Variants in GALNT12 observed in about 807,000 individuals in gnomAD.
GALNT12 encodes UDP-GalNAc:polypeptide N-acetylgalactosaminyltransferase 12.
In GALNT12, 45 loss-of-function variants were observed where a neutral mutation model predicts 55.5. The ratio of observed to expected loss-of-function variants is 0.81; its 90% CI spans 0.64 to 1.04. The LOEUF is 1.04. Among genes scored for constraint, GALNT12 ranks in the 50% least tolerant of loss-of-function variants. The pLI is 0.00. For missense variants in GALNT12, 709 were observed against 754.8 expected (o/e 0.94, Z 0.71); for synonymous variants, 304 against 312.2 (o/e 0.97, Z 0.28).
intron 1 of GALNT12, among the ~76,000 whole-genome samples, chr9:98,815,718 T>C (rs1445261366): frequency 6.6e-6 from 1 of 152,250 alleles, no homozygotes; most frequent in Non-Finnish European, 1.5e-5. Flanking sequence ...TTTAGGACAA[T>C]TTTAGAATGC....
intron 1 of GALNT12, among the ~76,000 whole-genome samples, chr9:98,813,622 C>T (rs564827568): frequency 4.6e-5 from 7 of 152,098 alleles, no homozygotes; most frequent in Non-Finnish European, 8.8e-5. Flanking sequence ...CTCAGCTTCT[C>T]CCTAGTAGCT....
Position 98,826,766 on chromosome 9 carries a change from C to G in GALNT12, c.556C>G (p.Arg186Gly). ...TGCCTCCCTAGAGCACCTGAAGGAG[C>G]GCTTGGCCAATGAGCTTTCGGGACT... Reference protein sequence around the residue: ...DYSDREHLKERLANELSGLPK... With the variant: ...DYSDREHLKEGLANELSGLPK... Residue 186 changes from arginine to glycine, a missense_variant, in exon 3 of 10, where the codon CGC becomes GGC. Around this residue, in one of 5 missense-constraint regions of GALNT12, gnomAD observed 315 missense variants for 288.6 expected, o/e 1.09. Transcript: ENST00000375011. The G allele has an allele frequency of 6.2e-7, 1 of 1,611,412 alleles. No individual in the cohort carries two copies. Among genetic ancestry groups the G allele is most frequent in the Non-Finnish European group, 8.5e-7 (1 of 1,179,756 alleles).
chr9:98,849,271 T>G lies in GALNT12; in HGVS notation c.*179T>G. 1 of 646,372 alleles carries G rather than the reference T, an allele frequency of 1.5e-6. No individual in the cohort carries two copies. The highest frequency in any genetic ancestry group is 2.7e-6 in the Non-Finnish European group (1 of 368,478). The allele number at this position is 646,372 out of a possible 1,614,324, so 40.0% of individuals were successfully genotyped here. A position where few individuals can be genotyped will look rare whatever the true frequency, so the allele number is the denominator to read the frequency against. On this transcript the variant is annotated 3_prime_UTR_variant, in exon 10 of 10. Transcript: ENST00000375011. ...ATTTAGTAAAAATGTGAATAAGCTT[T>G]GTACTTATTTTGAGAACTTTTTAAA...
At chr9:98,848,246 ATGT>A (rs149405634) in intron 9 of GALNT12, among the ~76,000 whole-genome samples, 2,777 of 152,292 alleles carry the variant, frequency 0.018, 84 homozygotes, top group African/African-American at 0.064. Context: ...TTTTTCACTG[ATGT>A]TGTTATTCAC....
Position 98,848,503 on chromosome 9 carries a change from A to C in GALNT12, c.1606-449A>C, listed in dbSNP as rs374393808. Among the ~76,000 whole-genome samples the C allele has an allele frequency of 1.8e-3, 272 of 152,310 alleles. 1 individual carries two copies. The highest frequency in any genetic ancestry group is 2.9e-3 in the Non-Finnish European group (200 of 68,016). On this transcript the variant is annotated intron_variant, in intron 9 of 9. Transcript: ENST00000375011. ...GTGTGACAGGTGAGTAGCTCAGGCC[A>C]AGTGACTGGCTTCCTCATCCATCTG...
At chr9:98,835,629 T>C (rs1234853038) in intron 5 of GALNT12, among the ~76,000 whole-genome samples, 1 of 152,246 alleles carries the variant, frequency 6.6e-6, no homozygotes, top group African/African-American at 2.4e-5. Flanking sequence ...TTGCTCAGGG[T>C]TAGGTTCCTC....
intron 2 of GALNT12, among the ~76,000 whole-genome samples, chr9:98,824,392 A>C (rs1835814557): frequency 6.6e-6 from 1 of 152,036 alleles, no homozygotes; most frequent in Non-Finnish European, 1.5e-5. Context: ...CAGAAGACTT[A>C]AAGGGGAAGG....
At chr9:98,810,153 C>T (rs1431392965) in intron 1 of GALNT12, among the ~76,000 whole-genome samples, 3 of 152,096 alleles carry the variant, frequency 2.0e-5, no homozygotes, top group Admixed American at 6.5e-5. Context: ...TAATCAGGGT[C>T]TTGAGATTTT....
intron 1 of GALNT12, among the ~76,000 whole-genome samples, chr9:98,808,890 G>A (rs1190141501): frequency 6.6e-6 from 1 of 152,226 alleles, no homozygotes; most frequent in African/African-American, 2.4e-5. Context: ...GATCTTCCAA[G>A]TCCTTTTTTG....
Position 98,813,416 on chromosome 9 carries a change from G to A in GALNT12, c.371+5347G>A, listed in dbSNP as rs964621481. Reference sequence around the variant, plus strand: ...TTTATACTCTATGTCTGGTAATTATGTTATCTAGATTAGTGTTTTCTTGTT... The same window carrying A: ...TTTATACTCTATGTCTGGTAATTATATTATCTAGATTAGTGTTTTCTTGTT... On this transcript the variant is annotated intron_variant, in intron 1 of 9. Transcript: ENST00000375011. Among the ~76,000 whole-genome samples the A allele has an allele frequency of 2.6e-5, 4 of 152,022 alleles. No individual in the cohort carries two copies. The South Asian group carries it at 8.3e-4, about 32-fold the overall frequency.
At chr9:98,824,959 C>G (rs746480706) in intron 2 of GALNT12, among the ~76,000 whole-genome samples, 12 of 152,132 alleles carry the variant, frequency 7.9e-5, no homozygotes, top group Non-Finnish European at 5.9e-5. Context: ...GAATCCCCCT[C>G]CCCCAACACC....
chr9:98,833,767 G>A (rs1188446775), intron 4 of GALNT12, among the ~76,000 whole-genome samples: 1 of 152,106 alleles, frequency 6.6e-6, no homozygotes, highest in African/African-American at 2.4e-5. Flanking sequence ...CTGAGACACA[G>A]AGCAGGAGGC....
chr9:98,818,009 T>G (rs1835653140), intron 1 of GALNT12, among the ~76,000 whole-genome samples: 2 of 152,186 alleles, frequency 1.3e-5, no homozygotes, highest in South Asian at 4.1e-4. Flanking sequence ...GATCCACCCA[T>G]TATTGTTTTG....
rs1196931129 is a variant in GALNT12, at chr9:98,823,378, A to T, written c.494A>T (p.Asp165Val). 1 of 1,614,200 alleles carries T rather than the reference A, an allele frequency of 6.2e-7. No homozygotes were observed. Among genetic ancestry groups the T allele is most frequent in the Admixed American group, 1.7e-5 (1 of 60,022 alleles). The change falls in exon 2 of 10, where the codon GAT becomes GTT. Residue 165 changes from aspartate to valine, a missense_variant. Physicochemically the swap from Asp to Val is radical, Grantham distance 152. Around this residue, in one of 5 missense-constraint regions of GALNT12, gnomAD observed 315 missense variants for 288.6 expected, o/e 1.09. Transcript: ENST00000375011. ...TACAGTGTCCTTGAGACATCCCCGG[A>T]TATCCTGCTAGAAGAAGTGATCCTT... ...TVYSVLETSP[D>V]ILLEEVILVD... is the part of the protein sequence containing the mutation.
At chr9:98,831,703 A>C in intron 3 of GALNT12, 69 bp from the exon 4 acceptor site, 1 of 1,557,170 alleles carries the variant, frequency 6.4e-7, no homozygotes, top group Non-Finnish European at 8.8e-7. Context: ...TTCACCCTTG[A>C]ATTTCCCAAT....
intron 8 of GALNT12, among the ~76,000 whole-genome samples, chr9:98,845,234 CT>C (rs1389519892): frequency 1.3e-5 from 2 of 152,098 alleles, no homozygotes; most frequent in Non-Finnish European, 2.9e-5. Context: ...TTTTAAGCAG[CT>C]TTTCAGGAGA....
chr9:98,826,792 G>GCCCAAGGT lies in GALNT12; in HGVS notation c.583_590dup (p.Arg198ProfsTer5). On this transcript the variant is annotated frameshift_variant, in exon 3 of 10. Coordinates refer to ENST00000375011, the MANE Select transcript of GALNT12 (RefSeq NM_024642.5). LOFTEE classifies it high-confidence loss of function. ...GCTTGGCCAATGAGCTTTCGGGACT[G>GCCCAAGGT]CCCAAGGTGCGCCTGATCCGCGCCA... The GCCCAAGGT allele has an allele frequency of 6.2e-7, 1 of 1,611,942 alleles. No individual in the cohort carries two copies. The highest frequency in any genetic ancestry group is 1.7e-5 in the Admixed American group (1 of 59,986).
Position 98,834,361 on chromosome 9 carries a change from T to C in GALNT12, c.918-888T>C, listed in dbSNP as rs181430060. Among the ~76,000 whole-genome samples, 275 of 152,334 alleles carry C rather than the reference T, an allele frequency of 1.8e-3. 2 individuals carry two copies. The highest frequency in any genetic ancestry group is 0.017 in the Admixed American group (259 of 15,308). ...GTCTTGAACTCCTGACCTCAGGAGA[T>C]CTGCCCGCCTCAGCCTCCCAAAGTG... On this transcript the variant is annotated intron_variant, in intron 4 of 9. Coordinates refer to ENST00000375011, the MANE Select transcript of GALNT12 (RefSeq NM_024642.5).
At chr9:98,840,702 T>C (rs906831031) in intron 7 of GALNT12, among the ~76,000 whole-genome samples, 2 of 152,200 alleles carry the variant, frequency 1.3e-5, no homozygotes, top group African/African-American at 4.8e-5. Context: ...AGGATATTCA[T>C]GTTACATTCT....
Sources: allele counts gnomAD v4.1 joint callset (sites outside exome capture counted in the v4.1 genomes callset), GRCh38; gene constraint gnomAD v4.1.1; regional missense constraint gnomAD v4.1.1; transcripts MANE v1.5; gene names NCBI Gene and HGNC (gene_info 2026-07-23, HGNC 2026-07-21).